PHF8: variants seen among roughly 807,000 people sequenced by gnomAD.
PHF8 encodes histone lysine demethylase PHF8.
In PHF8, 9 loss-of-function variants were observed where a neutral mutation model predicts 74.4. The observed-to-expected ratio is 0.12, with a 90% CI of 0.07 to 0.21. The LOEUF is 0.21. Ranked by LOEUF, PHF8 falls within the 10% of genes least tolerant of loss-of-function variation. The probability of loss-of-function intolerance (pLI) is 1.00; values close to 1 mark genes in which losing one functional copy is unlikely to be tolerated. For synonymous variants in PHF8, 311 were observed against 316.6 expected (o/e 0.98, Z 0.19); for missense variants, 478 against 816.6 (o/e 0.59, Z 5.05).
intron 14 of PHF8, among the ~76,000 whole-genome samples, chrX:53,992,501 T>C (rs1329191060): frequency 8.9e-6 from 1 of 111,971 alleles, no homozygotes; most frequent in Admixed American, 9.5e-5. Flanking sequence ...CTAGAACTGA[T>C]AAAATCTTTC....
rs182484649 is a variant in PHF8 at position 53,981,991 on chromosome X, G to A, written c.2443+2923C>T. Among the ~76,000 whole-genome samples the A allele has an allele frequency of 1.2e-4, 13 of 112,232 alleles. 1 individual carries two copies. The highest frequency in any genetic ancestry group is 3.7e-4 in the South Asian group (1 of 2,720). On this transcript the variant is annotated intron_variant, in intron 18 of 21. Coordinates refer to ENST00000338154, the MANE Select transcript of PHF8 (RefSeq NM_015107.3). ...ATAGAAAAAGCTCAACAGCAGCCTCGAAATTCTGGAAAAATAAGAAAAAGT... is the reference window on the plus strand; with the variant it reads ...ATAGAAAAAGCTCAACAGCAGCCTCAAAATTCTGGAAAAATAAGAAAAAGT...
intron 2 of PHF8, among the ~76,000 whole-genome samples, chrX:54,026,332 C>CTTTG (rs1459143276): frequency 2.1e-5 from 2 of 93,134 alleles, no homozygotes; most frequent in African/African-American, 8.3e-5. Flanking sequence ...CTAGCCTGGG[C>CTTTG]GACAAAGCAA....
At chrX:54,009,459 T>C (rs1218882952) in intron 8 of PHF8, among the ~76,000 whole-genome samples, 1 of 107,495 alleles carries the variant, frequency 9.3e-6, no homozygotes, top group African/African-American at 3.4e-5. Context: ...AAGAACAAAA[T>C]AAACCCAAAG....
chrX:54,017,435 G>A (rs1446516987), intron 5 of PHF8, among the ~76,000 whole-genome samples: 3 of 112,197 alleles, frequency 2.7e-5, no homozygotes, highest in African/African-American at 9.7e-5. Flanking sequence ...GCAACAGGGC[G>A]AGACCCTGTC....
At chrX:54,047,618 T>A (rs2066640105), upstream of PHF8, among the ~76,000 whole-genome samples, 1 of 111,551 alleles carries the variant, frequency 9.0e-6, no homozygotes, top group South Asian at 3.8e-4. Flanking sequence ...CACCTACTGT[T>A]AGGCACTGGG....
At chrX:53,990,161 A>T (rs782740387) in intron 14 of PHF8, among the ~76,000 whole-genome samples, 9 of 111,975 alleles carry the variant, frequency 8.0e-5, no homozygotes, top group East Asian at 2.8e-4. Flanking sequence ...AATAATTTTT[A>T]AAAAAATTTT....
intron 18 of PHF8, among the ~76,000 whole-genome samples, chrX:53,971,165 A>T (rs1034862108): frequency 8.9e-6 from 1 of 111,819 alleles, no homozygotes; most frequent in Non-Finnish European, 1.9e-5. Flanking sequence ...TAAAATTAGA[A>T]CTCAAAACTA....
chrX:54,010,571 T>C (rs2065968537), intron 8 of PHF8, among the ~76,000 whole-genome samples: 1 of 111,585 alleles, frequency 9.0e-6, no homozygotes, highest in Non-Finnish European at 1.9e-5. Flanking sequence ...CTAATTCTGA[T>C]TAAAGAAATC....
chrX:53,977,354 C>CA (rs1250334542), intron 18 of PHF8, among the ~76,000 whole-genome samples: 4 of 111,296 alleles, frequency 3.6e-5, no homozygotes, highest in African/African-American at 1.3e-4. Flanking sequence ...GAAAAGAAAA[C>CA]AAAAAGAAAA....
rs187821654 is a variant in PHF8, at chrX:54,037,292, G to A, written c.98+5339C>T. ...AGACAGGGTCTCGCTCTGTCACCCA[G>A]GCTGGAGTGTAGTGGCATGATCACA... On this transcript the variant is annotated intron_variant, in intron 2 of 21. Coordinates refer to ENST00000338154, the MANE Select transcript of PHF8 (RefSeq NM_015107.3). Among the ~76,000 whole-genome samples the A allele has an allele frequency of 1.5e-4, 17 of 111,721 alleles. No individual in the cohort carries two copies. The East Asian group carries it at 4.2e-3, about 28-fold the overall frequency.
chrX:53,983,132 G>A (rs1486227951), intron 18 of PHF8, among the ~76,000 whole-genome samples: 9 of 103,249 alleles, frequency 8.7e-5, no homozygotes, highest in African/African-American at 3.3e-4. Context: ...CCATGATTGC[G>A]CCACTGCACT....
At chrX:53,951,793 C>T (rs1364873992) in intron 19 of PHF8, among the ~76,000 whole-genome samples, 1 of 110,881 alleles carries the variant, frequency 9.0e-6, no homozygotes, top group Non-Finnish European at 1.9e-5. Flanking sequence ...AGAAGTGACT[C>T]ACAACATAAA....
In PHF8 at chrX:53,985,033, G is replaced by C; in HGVS notation, c.2324C>G (p.Pro775Arg). 1.7e-6 allele frequency: 2 copies of C among 1,210,832 alleles called. No homozygotes were observed. Among genetic ancestry groups the C allele is most frequent in the Non-Finnish European group, 2.2e-6 (2 of 894,722 alleles). The change falls in exon 18 of 22, where the codon CCA (proline) becomes CGA (arginine). Residue 775 changes from proline to arginine, a missense_variant. Around this residue, in one of 9 missense-constraint regions of PHF8, gnomAD observed 51 missense variants for 45.8 expected, o/e 1.11. Transcript: ENST00000338154. Reference protein sequence around the residue: ...VSNSPASQRTPGKRPIKRPAY... With the variant: ...VSNSPASQRTRGKRPIKRPAY... ...TGGCCGCTTGATGGGCCGCTTCCCT[G>C]GGGTGCGCTGGGAAGCAGGACTGTT...
In PHF8 at chrX:53,945,223, T is replaced by C. The variant is rs782363075; in HGVS notation, c.2540-980A>G. Among the ~76,000 whole-genome samples the C allele has an allele frequency of 2.0e-3, 214 of 107,056 alleles. 1 individual carries two copies. The highest frequency in any genetic ancestry group is 4.5e-3 in the South Asian group (11 of 2,424). The allele number at this position is 107,056 out of a possible 115,157, so 93.0% of individuals were successfully genotyped here. On this transcript the variant is annotated intron_variant, in intron 19 of 21. Coordinates refer to ENST00000338154, the MANE Select transcript of PHF8 (RefSeq NM_015107.3). ...GGCCAGGCATGGTGGCGGGTGCCTGTAGTCCCAGCTATTCAGAAGGCTGAG... is the reference window on the plus strand; with the variant it reads ...GGCCAGGCATGGTGGCGGGTGCCTGCAGTCCCAGCTATTCAGAAGGCTGAG...
intron 19 of PHF8, among the ~76,000 whole-genome samples, chrX:53,961,612 C>G (rs782426920): frequency 9.0e-6 from 1 of 111,487 alleles, no homozygotes. Context: ...AGCCACCAGG[C>G]CCGGCCCCAA....
chrX:53,974,397 C>T (rs988809158), intron 18 of PHF8, among the ~76,000 whole-genome samples: 3 of 111,823 alleles, frequency 2.7e-5, no homozygotes, highest in Non-Finnish European at 5.6e-5. Flanking sequence ...CAATTAAAAA[C>T]TCAAAAAACA....
At chrX:53,961,910 T>C (rs2065112342) in intron 19 of PHF8, among the ~76,000 whole-genome samples, 1 of 111,842 alleles carries the variant, frequency 8.9e-6, no homozygotes, top group African/African-American at 3.2e-5. Context: ...AAAGGTGCAA[T>C]CTATTTCCCA....
intron 14 of PHF8, among the ~76,000 whole-genome samples, chrX:53,988,697 C>A (rs1418971904): frequency 3.0e-5 from 3 of 98,659 alleles, no homozygotes; most frequent in Non-Finnish European, 6.1e-5. Flanking sequence ...TCTCAGCTCA[C>A]GGCAACCTCC....
rs1290873959 is a variant in PHF8, at chrX:53,973,434, A to G, written c.2444-10495T>C. ...GTAACCAAAACAGCATGCAACTGGT[A>G]CAAAGACAGACACATAGACCAATGA... On this transcript the variant is annotated intron_variant, in intron 18 of 21. Coordinates refer to ENST00000338154, the MANE Select transcript of PHF8 (RefSeq NM_015107.3). 2.7e-5 allele frequency among the ~76,000 whole-genome samples: 3 copies of G among 111,702 alleles called. 1 individual carries two copies. Among genetic ancestry groups the G allele is most frequent in the Non-Finnish European group, 5.6e-5 (3 of 53,191 alleles).
Sources: allele counts gnomAD v4.1 joint callset (sites outside exome capture counted in the v4.1 genomes callset), GRCh38; gene constraint gnomAD v4.1.1; regional missense constraint gnomAD v4.1.1; transcripts MANE v1.5; gene names NCBI Gene and HGNC (gene_info 2026-07-23, HGNC 2026-07-21).